Variants in ELMO1 observed in about 807,000 individuals in gnomAD.
ELMO1 encodes the protein engulfment and cell motility protein 1.
Under a neutral mutation model 98.9 loss-of-function variants are expected in ELMO1, and 26 were observed. That is an observed-to-expected ratio of 0.26 (90% CI 0.19 to 0.36). The LOEUF (loss-of-function observed/expected upper bound fraction) is 0.36. ELMO1 is among the 10% of genes least tolerant of loss of function. The pLI is 1.00. For synonymous variants in ELMO1, 346 were observed against 346.0 expected (o/e 1.00, Z 0.00); for missense variants, 627 against 935.2 (o/e 0.67, Z 4.30).
At chr7:37,262,128 C>T (rs2130807484) in intron 5 of ELMO1, among the ~76,000 whole-genome samples, 1 of 152,200 alleles carries the variant, frequency 6.6e-6, no homozygotes, top group South Asian at 2.1e-4. Context: ...TCTATTCTTC[C>T]TAATTCATTT....
chr7:37,165,924 C>G (rs1272258504), intron 13 of ELMO1, among the ~76,000 whole-genome samples: 1 of 152,096 alleles, frequency 6.6e-6, no homozygotes, highest in Non-Finnish European at 1.5e-5. Context: ...ACCAGTTCCT[C>G]CTTGTACCTC....
intron 13 of ELMO1, among the ~76,000 whole-genome samples, chr7:37,171,709 G>A (rs1380981632): frequency 6.6e-6 from 1 of 151,772 alleles, no homozygotes; most frequent in African/African-American, 2.4e-5. Flanking sequence ...AGCCAGGATG[G>A]TCTCGATCTC....
intron 21 of ELMO1, among the ~76,000 whole-genome samples, chr7:36,860,627 A>G (rs988667048): frequency 6.6e-6 from 1 of 152,250 alleles, no homozygotes; most frequent in Non-Finnish European, 1.5e-5. Context: ...GTAGTTTTGT[A>G]CACAGCTCTA....
intron 15 of ELMO1, among the ~76,000 whole-genome samples, chr7:37,049,390 C>T (rs531629782): frequency 6.6e-6 from 1 of 152,270 alleles, no homozygotes; most frequent in African/African-American, 2.4e-5. Flanking sequence ...GGTGACCCTT[C>T]GAAACCAATT....
In ELMO1 at chr7:37,086,759, A is replaced by AG. The variant is rs1554407995; in HGVS notation, c.1300+9859_1300+9860insC. Among the ~76,000 whole-genome samples the AG allele has an allele frequency of 3.5e-4, 45 of 127,928 alleles. 2 individuals carry two copies. Among genetic ancestry groups the AG allele is most frequent in the Admixed American group, 9.9e-4 (13 of 13,108 alleles). The allele number at this position is 127,928 out of a possible 152,430, so 83.9% of individuals were successfully genotyped here. A position where few individuals can be genotyped will look rare whatever the true frequency, so the allele number is the denominator to read the frequency against. ...TCCTGTCTCCAAAAAAAAAAAAAAA[A>AG]AAAAAAGAAATCTTTGAACTTTCTT... On this transcript the variant is annotated intron_variant, in intron 15 of 21. Transcript: ENST00000310758.
intron 13 of ELMO1, among the ~76,000 whole-genome samples, chr7:37,205,792 T>C (rs1792580584): frequency 6.6e-6 from 1 of 152,188 alleles, no homozygotes; most frequent in Non-Finnish European, 1.5e-5. Context: ...GCATGTTGAA[T>C]ATTGATTTGG....
At chr7:37,337,392 G>C (rs2131232949) in intron 2 of ELMO1, among the ~76,000 whole-genome samples, 1 of 152,184 alleles carries the variant, frequency 6.6e-6, no homozygotes, top group South Asian at 2.1e-4. Context: ...AAGGGAAGGG[G>C]GGAGGGATAG....
At chr7:37,258,268 C>CAAAAAA (rs964585873) in intron 6 of ELMO1, among the ~76,000 whole-genome samples, 5 of 136,884 alleles carry the variant, frequency 3.7e-5, no homozygotes, top group African/African-American at 1.4e-4. Flanking sequence ...CTCCATCTAC[C>CAAAAAA]AAAAACAAAA....
chr7:37,356,652 C>G (rs1801511028), intron 1 of ELMO1, among the ~76,000 whole-genome samples: 1 of 151,666 alleles, frequency 6.6e-6, no homozygotes, highest in Non-Finnish European at 1.5e-5. Flanking sequence ...CGAGAAATAC[C>G]TAATATAGAT....
intron 16 of ELMO1, among the ~76,000 whole-genome samples, chr7:36,909,384 G>C (rs1784189459): frequency 6.6e-6 from 1 of 152,196 alleles, no homozygotes; most frequent in Non-Finnish European, 1.5e-5. Context: ...GGAATTTGCT[G>C]GGGGTAGAAG....
chr7:37,104,424 G>A (rs535091883), intron 14 of ELMO1, among the ~76,000 whole-genome samples: 11 of 152,288 alleles, frequency 7.2e-5, no homozygotes, highest in Non-Finnish European at 1.3e-4. Flanking sequence ...AAGGTCTGAG[G>A]TGGAACCCAC....
intron 20 of ELMO1, among the ~76,000 whole-genome samples, chr7:36,862,493 C>T (rs1673069071): frequency 6.6e-6 from 1 of 152,220 alleles, no homozygotes; most frequent in African/African-American, 2.4e-5. Context: ...TGACCAATGA[C>T]CAAGGCACTC....
At chr7:36,920,845 T>G (rs1470267515) in intron 16 of ELMO1, among the ~76,000 whole-genome samples, 1 of 152,206 alleles carries the variant, frequency 6.6e-6, no homozygotes, top group African/African-American at 2.4e-5. Context: ...ATCCTTTTTA[T>G]AGGTCTCCAT....
At chr7:36,931,458 G>A (rs1786029598) in intron 16 of ELMO1, among the ~76,000 whole-genome samples, 1 of 152,196 alleles carries the variant, frequency 6.6e-6, no homozygotes, top group East Asian at 1.9e-4. Flanking sequence ...AAAATTAGCT[G>A]GGGGTGGTGG....
At chr7:36,944,115 A>T (rs999475853) in intron 16 of ELMO1, among the ~76,000 whole-genome samples, 1 of 152,220 alleles carries the variant, frequency 6.6e-6, no homozygotes, top group African/African-American at 2.4e-5. Context: ...GTGATCTTAG[A>T]ACGTTACATA....
At chr7:36,901,252 G>A (rs1349926769) in intron 16 of ELMO1, among the ~76,000 whole-genome samples, 2 of 152,164 alleles carry the variant, frequency 1.3e-5, no homozygotes, top group Non-Finnish European at 1.5e-5. Context: ...TTTGCTGAGT[G>A]GTGTCGTGCA....
At chr7:37,384,453 G>A (rs2131396388) in intron 1 of ELMO1, among the ~76,000 whole-genome samples, 1 of 152,230 alleles carries the variant, frequency 6.6e-6, no homozygotes, top group African/African-American at 2.4e-5. Context: ...AGGCGCAGTG[G>A]CTCACGCCTG....
intron 16 of ELMO1, among the ~76,000 whole-genome samples, chr7:36,942,073 T>A (rs967672498): frequency 9.9e-5 from 15 of 152,208 alleles, no homozygotes; most frequent in Non-Finnish European, 1.6e-4. Flanking sequence ...CATTAATTTG[T>A]AATTTACATA....
At chr7:37,130,667 G>C (rs1786856401) in intron 14 of ELMO1, among the ~76,000 whole-genome samples, 1 of 152,290 alleles carries the variant, frequency 6.6e-6, no homozygotes, top group African/African-American at 2.4e-5. Context: ...AAAACAACTT[G>C]GGAACATATG....
Sources: gnomAD v4.1 joint callset for allele counts (sites outside exome capture counted in the v4.1 genomes callset) on GRCh38, gnomAD v4.1.1 for gene constraint, MANE v1.5 for transcripts, NCBI Gene and HGNC (gene_info 2026-07-23, HGNC 2026-07-21) for gene names.